Variants in INPP5F observed in about 807,000 individuals in gnomAD.
The protein encoded by INPP5F is phosphatidylinositide 4-phosphatase SAC2.
INPP5F carries 97 observed loss-of-function variants against 137.2 expected under a neutral mutation model. The observed-to-expected ratio is 0.71, with a 90% CI of 0.60 to 0.84. The LOEUF is 0.84. Ranked by LOEUF, INPP5F falls within the 40% of genes least tolerant of loss-of-function variation. The pLI is 0.00. For synonymous variants in INPP5F, 504 were observed against 476.9 expected, an observed-to-expected ratio of 1.06 and a Z score of -0.74; for missense variants, 1,271 against 1,371.9, an observed-to-expected ratio of 0.93 and a Z score of 1.16.
chr10:119,775,652 G>C (rs1414376828), intron 2 of INPP5F, among the ~76,000 whole-genome samples: 2 of 141,098 alleles, frequency 1.4e-5, no homozygotes, highest in African/African-American at 5.0e-5. Flanking sequence ...TTAAAGACAA[G>C]TACAGAGTCA....
At chr10:119,769,623 A>G (rs1247566560) in intron 2 of INPP5F, among the ~76,000 whole-genome samples, 1 of 152,214 alleles carries the variant, frequency 6.6e-6, no homozygotes, top group Non-Finnish European at 1.5e-5. Context: ...GGGCCGGAAC[A>G]GAAGCAAAAA....
At position 119,826,745 on chromosome 10, in the gene INPP5F, G is replaced by A; in HGVS notation, c.2364G>A (p.Val788=). The A allele has an allele frequency of 6.2e-7, 1 of 1,613,754 alleles. No homozygotes were observed. The highest frequency in any genetic ancestry group is 1.6e-4 in the Middle Eastern group (1 of 6,062). Residue 788 remains valine, a synonymous_variant, in exon 20 of 20, where the codon GTG becomes GTA. Coordinates refer to ENST00000650623, the MANE Select transcript of INPP5F (RefSeq NM_014937.4). ...AATTTTCATCTCTAAATCAAAAAGT[G>A]AAGCAGACCAAATCCAATGTAAATA... is the stretch of plus-strand genomic sequence containing the variant. ...MSKFSSLNQK[V]KQTKSNVNIG...
intron 15 of INPP5F, among the ~76,000 whole-genome samples, chr10:119,820,369 A>G (rs1423576922): frequency 6.6e-6 from 1 of 152,260 alleles, no homozygotes; most frequent in African/African-American, 2.4e-5. Context: ...TTGCACATAA[A>G]TACTGTATTA....
rs142188621 is a variant in INPP5F at position 119,788,379 on chromosome 10, C to T, written c.316-3138C>T. Among the ~76,000 whole-genome samples, 396 of 152,232 alleles carry T rather than the reference C, an allele frequency of 2.6e-3. 1 individual carries two copies. Among genetic ancestry groups the T allele is most frequent in the African/African-American group, 8.7e-3 (360 of 41,540 alleles). ...GGAGAAGAGAGTTAAGGGTAGAACA[C>T]TGGGAATACCATCAGTTTTAGAGAA... On this transcript the variant is annotated intron_variant, in intron 3 of 19. Transcript: ENST00000650623.
intron 3 of INPP5F, among the ~76,000 whole-genome samples, chr10:119,785,452 A>G (rs949120986): frequency 2.7e-5 from 4 of 145,796 alleles, no homozygotes; most frequent in Non-Finnish European, 4.5e-5. Context: ...CACCCGACTC[A>G]TTTTTTGTAT....
chr10:119,778,165 C>T (rs78980407), intron 2 of INPP5F, among the ~76,000 whole-genome samples: 2,573 of 152,064 alleles, frequency 0.017, 73 homozygotes, highest in African/African-American at 0.057. Context: ...CACCACCATG[C>T]CCGGCTAATT....
intron 2 of INPP5F, among the ~76,000 whole-genome samples, chr10:119,771,455 T>C (rs1357700206): frequency 6.6e-6 from 1 of 152,090 alleles, no homozygotes; most frequent in East Asian, 1.9e-4. Context: ...ATGTAAATAG[T>C]AGTAAAAGGT....
At chr10:119,777,387 G>T (rs947926640) in intron 2 of INPP5F, among the ~76,000 whole-genome samples, 1 of 152,140 alleles carries the variant, frequency 6.6e-6, no homozygotes, top group Non-Finnish European at 1.5e-5. Flanking sequence ...TTAGCCAGGC[G>T]TGGTGGCGGG....
intron 15 of INPP5F, 106 bp downstream of exon 15, chr10:119,812,061 G>T: frequency 1.2e-6 from 1 of 843,434 alleles, no homozygotes; most frequent in Non-Finnish European, 1.9e-6. Context: ...TGGATGCATG[G>T]CGCGTGACTA....
At chr10:119,778,898 A>T (rs560980096) in intron 2 of INPP5F, among the ~76,000 whole-genome samples, 1 of 152,242 alleles carries the variant, frequency 6.6e-6, no homozygotes, top group East Asian at 1.9e-4. Context: ...ATTTTAACGG[A>T]TATGTGAAAC....
chr10:119,765,878 TATAG>T (rs796751323), intron 2 of INPP5F, among the ~76,000 whole-genome samples: 1,034 of 28,360 alleles, frequency 0.036, 5 homozygotes, highest in South Asian at 0.052. Flanking sequence ...TATATATATA[TATAG>T]AGAGAGAGAG....
At chr10:119,818,765 T>C (rs1158566361) in intron 15 of INPP5F, 1 of 152,304 alleles carries the variant, frequency 6.6e-6, no homozygotes, top group East Asian at 1.9e-4. Context: ...GGCAGCTGTT[T>C]GAGCCTCGAG....
At chr10:119,821,754 G>A (rs555186107) in intron 16 of INPP5F, among the ~76,000 whole-genome samples, 2 of 151,556 alleles carry the variant, frequency 1.3e-5, no homozygotes, top group South Asian at 2.1e-4. Context: ...CTTGCTCTGT[G>A]TGTGTGTGCA....
rs769991503 is a variant in INPP5F, at chr10:119,797,484, G to A, written c.892G>A (p.Val298Met). 4.3e-6 allele frequency: 7 copies of A among 1,610,590 alleles called. No homozygotes were observed. In the Admixed American group the frequency reaches 6.7e-5, roughly 15 times the overall value. ...AGGAATGCGCTATAAACGAAGAGGA[G>A]TGGATAAAAATGGAAATGTTGCCAA... The part of the protein sequence containing the change: ...RAGMRYKRRG[V>M]DKNGNVANYV... The change falls in exon 8 of 20, where the codon GTG becomes ATG. Residue 298 changes from valine (V) to methionine (M), a missense_variant. Coordinates refer to ENST00000650623, the MANE Select transcript of INPP5F (RefSeq NM_014937.4).
At chr10:119,775,364 TCCTTCTACTGTCAG>T (rs1849490373) in intron 2 of INPP5F, among the ~76,000 whole-genome samples, 1 of 152,158 alleles carries the variant, frequency 6.6e-6, no homozygotes, top group South Asian at 2.1e-4. Flanking sequence ...GCTCAGGTGA[TCCTTCTACTGTCAG>T]CCTCCTGAGT....
Position 119,827,513 on chromosome 10 carries a change from C to T in INPP5F, c.3132C>T (p.Ser1044=). ...CTCAAAAAACCCCCACCTCCGCTTCCAGCATGCTTGAACTTGAGACAGGGC... is the reference window on the plus strand; with the variant it reads ...CTCAAAAAACCCCCACCTCCGCTTCTAGCATGCTTGAACTTGAGACAGGGC... The part of the protein sequence containing the change: ...VASQKTPTSA[S]SMLELETGLH... Residue 1044 remains serine, a synonymous_variant, in exon 20 of 20, where the codon TCC becomes TCT. Transcript: ENST00000650623. The T allele has an allele frequency of 1.2e-6, 2 of 1,614,190 alleles. No individual in the cohort carries two copies. The highest frequency in any genetic ancestry group is 1.7e-6 in the Non-Finnish European group (2 of 1,180,022).
At chr10:119,806,137 A>G (rs1383811344) in intron 11 of INPP5F, among the ~76,000 whole-genome samples, 1 of 149,276 alleles carries the variant, frequency 6.7e-6, no homozygotes, top group Non-Finnish European at 1.5e-5. Context: ...TCTGCACCCC[A>G]GTTTTTTTTT....
chr10:119,754,642 G>C (rs1222342280), intron 2 of INPP5F, among the ~76,000 whole-genome samples: 1 of 152,082 alleles, frequency 6.6e-6, no homozygotes, highest in Non-Finnish European at 1.5e-5. Flanking sequence ...TGGCTCTTAA[G>C]AAAAAGAGTC....
At chr10:119,747,449 C>T (rs1022469672) in intron 1 of INPP5F, among the ~76,000 whole-genome samples, 6 of 152,042 alleles carry the variant, frequency 3.9e-5, no homozygotes, top group Admixed American at 1.3e-4. Context: ...GAACTCCTGG[C>T]CTCAAGCAAT....
Sources: gnomAD v4.1 joint callset for allele counts (sites outside exome capture counted in the v4.1 genomes callset) on GRCh38, gnomAD v4.1.1 for gene constraint, MANE v1.5 for transcripts, NCBI Gene and HGNC (gene_info 2026-07-23, HGNC 2026-07-21) for gene names.